AFF2: variants seen among roughly 807,000 people sequenced by gnomAD.
The protein encoded by AFF2 is AF4/FMR2 family member 2.
AFF2 carries 14 observed loss-of-function variants against 76.9 expected under a neutral mutation model. That is an observed-to-expected ratio of 0.18 (90% CI 0.12 to 0.28). The LOEUF (loss-of-function observed/expected upper bound fraction) is 0.28, where lower values mean the gene tolerates loss of function less well. AFF2 is among the 10% of genes least tolerant of loss of function. AFF2 has a pLI of 1.00. For missense variants in AFF2, 868 were observed against 1,001.1 expected, an observed-to-expected ratio of 0.87 and a Z score of 1.79; for synonymous variants, 398 against 366.7, an observed-to-expected ratio of 1.09 and a Z score of -0.98.
chrX:148,866,346 A>C (rs1231596351), intron 7 of AFF2, among the ~76,000 whole-genome samples: 1 of 112,373 alleles, frequency 8.9e-6, no homozygotes, highest in African/African-American at 3.2e-5. Context: ...TGCTTAAAGA[A>C]GCAGAAGCAA....
chrX:148,939,761 A>G (rs1233274896), intron 9 of AFF2, among the ~76,000 whole-genome samples: 3 of 112,022 alleles, frequency 2.7e-5, no homozygotes, highest in Non-Finnish European at 5.6e-5. Context: ...GCCATCTTGG[A>G]TTTTAACCAA....
chrX:148,519,832 A>G (rs1382676063), intron 1 of AFF2, among the ~76,000 whole-genome samples: 2 of 111,790 alleles, frequency 1.8e-5, no homozygotes, highest in African/African-American at 3.3e-5. Flanking sequence ...CCCACTCCAT[A>G]TATACAAATA....
chrX:148,953,798 AACACACACACACACAGACACACAC>A, intron 10 of AFF2, 59 bp downstream of exon 10: 1 of 839,038 alleles, frequency 1.2e-6, no homozygotes, highest in Non-Finnish European at 1.7e-6. Context: ...CAGCACCCTC[AACACACACACACACAGACACACAC>A]ACACACACAC....
At chrX:148,863,648 G>A (rs1275325135) in intron 7 of AFF2, among the ~76,000 whole-genome samples, 1 of 111,183 alleles carries the variant, frequency 9.0e-6, no homozygotes, top group Non-Finnish European at 1.9e-5. Flanking sequence ...ATTCTTTGAG[G>A]AAATACCAAG....
At chrX:148,507,729 G>A (rs782057393) in intron 1 of AFF2, among the ~76,000 whole-genome samples, 24 of 112,072 alleles carry the variant, frequency 2.1e-4, no homozygotes, top group Admixed American at 4.7e-4. Flanking sequence ...ACTTTACACC[G>A]TAGAGAGGGT....
intron 3 of AFF2, among the ~76,000 whole-genome samples, chrX:148,690,813 C>T (rs1557260705): frequency 8.9e-6 from 1 of 111,916 alleles, no homozygotes; most frequent in African/African-American, 3.2e-5. Context: ...CAGAAATTTA[C>T]TTCCCCACAA....
intron 15 of AFF2, 100 bp downstream of exon 15, chrX:148,967,792 C>A: frequency 1.5e-6 from 1 of 674,953 alleles, no homozygotes; most frequent in Non-Finnish European, 2.3e-6. Context: ...AGTATCACAG[C>A]CCACACCTGC....
chrX:148,927,258 T>C (rs1557283873), intron 9 of AFF2, among the ~76,000 whole-genome samples: 1 of 111,591 alleles, frequency 9.0e-6, no homozygotes. Flanking sequence ...TGAGGCAGGG[T>C]TCAAGGCAGA....
rs199567128 is a variant in AFF2, at chrX:148,662,443, C to T, written c.716C>T (p.Pro239Leu). 7 of 1,211,658 alleles carry T rather than the reference C, an allele frequency of 5.8e-6. No homozygotes were observed. Among genetic ancestry groups the T allele is most frequent in the South Asian group, 1.8e-5 (1 of 56,988 alleles). The change falls in exon 3 of 21, where the codon CCG becomes CTG. Residue 239 changes from proline (P) to leucine (L), a missense_variant. Around this residue, in one of 6 missense-constraint regions of AFF2, gnomAD observed 196 missense variants for 194.8 expected, o/e 1.01. Transcript: ENST00000370460. ...AFKEIFQSNS[P>L]EESEFAVQAP... ...AAAGAAATCTTTCAATCCAATTCAC[C>T]GGAAGAATCTGAATTCGCCGTGCAA...
chrX:148,681,467 A>G (rs2054545404), intron 3 of AFF2, among the ~76,000 whole-genome samples: 1 of 110,539 alleles, frequency 9.0e-6, no homozygotes, highest in Admixed American at 9.7e-5. Flanking sequence ...CTGGATTCTT[A>G]GGATAAGAAC....
At position 148,519,184 on chromosome X, in the gene AFF2, G is replaced by A. The variant is rs149351304; in HGVS notation, c.47+18040G>A. Among the ~76,000 whole-genome samples the A allele has an allele frequency of 2.8e-3, 314 of 111,518 alleles. 1 individual carries two copies. The highest frequency in any genetic ancestry group is 8.2e-3 in the African/African-American group (253 of 30,694). ...ACACCCCATTTTTTGCATTTCTGACGTAGTGCAGGGACCCTTCTCCATTTG... is the reference window on the plus strand; with the variant it reads ...ACACCCCATTTTTTGCATTTCTGACATAGTGCAGGGACCCTTCTCCATTTG... On this transcript the variant is annotated intron_variant, in intron 1 of 20. Transcript: ENST00000370460.
chrX:148,816,367 G>A (rs782067136), intron 4 of AFF2, among the ~76,000 whole-genome samples: 1 of 111,535 alleles, frequency 9.0e-6, no homozygotes, highest in South Asian at 3.7e-4. Flanking sequence ...GCATTCAGGA[G>A]AATGAGAAAA....
intron 9 of AFF2, among the ~76,000 whole-genome samples, chrX:148,951,108 A>G (rs1448327394): frequency 9.0e-6 from 1 of 111,018 alleles, no homozygotes; most frequent in African/African-American, 3.3e-5. Flanking sequence ...GAATACTAAA[A>G]TACATCTGTT....
intron 1 of AFF2, among the ~76,000 whole-genome samples, chrX:148,635,071 G>A (rs1201758193): frequency 1.8e-5 from 2 of 111,309 alleles, no homozygotes; most frequent in Non-Finnish European, 3.8e-5. Context: ...CCCCCAAAAT[G>A]TCCATGTCCA....
intron 3 of AFF2, among the ~76,000 whole-genome samples, chrX:148,756,300 G>A (rs2124581254): frequency 8.9e-6 from 1 of 112,647 alleles, no homozygotes; most frequent in Admixed American, 9.4e-5. Flanking sequence ...CACTGGCTAA[G>A]ATTGGTGGGA....
At chrX:148,542,036 G>T (rs1461152686) in intron 1 of AFF2, among the ~76,000 whole-genome samples, 1 of 109,071 alleles carries the variant, frequency 9.2e-6, no homozygotes, top group Non-Finnish European at 1.9e-5. Context: ...CTGGAAAAAA[G>T]AAAGCCTCTG....
At chrX:148,959,758 G>A (rs1332225537) in intron 12 of AFF2, among the ~76,000 whole-genome samples, 3 of 112,414 alleles carry the variant, frequency 2.7e-5, no homozygotes, top group Non-Finnish European at 3.8e-5. Flanking sequence ...CTTCACCTCA[G>A]GGTAGACCAG....
At chrX:148,657,020 C>A (rs1557257216) in intron 2 of AFF2, among the ~76,000 whole-genome samples, 1 of 111,527 alleles carries the variant, frequency 9.0e-6, no homozygotes, top group African/African-American at 3.3e-5. Context: ...TTTTTCCTTT[C>A]TGGATTGAAT....
chrX:148,540,388 T>C (rs1299352527), intron 1 of AFF2, among the ~76,000 whole-genome samples: 1 of 100,286 alleles, frequency 1.0e-5, no homozygotes, highest in Non-Finnish European at 2.0e-5. Context: ...AGGTTGTGGC[T>C]GACCAGCTAA....
Sources: gnomAD v4.1 joint callset for allele counts (sites outside exome capture counted in the v4.1 genomes callset) on GRCh38, gnomAD v4.1.1 for gene constraint, gnomAD v4.1.1 regional missense constraint, MANE v1.5 for transcripts, NCBI Gene and HGNC (gene_info 2026-07-23, HGNC 2026-07-21) for gene names.